The following AGBL1 variants were observed in gnomAD, a reference collection of about 807,000 sequenced individuals.
The protein encoded by AGBL1 is cytosolic carboxypeptidase 4.
AGBL1 carries 130 observed loss-of-function variants against 118.9 expected under a neutral mutation model. That is an observed-to-expected ratio of 1.09 (90% CI 0.95 to 1.26). The LOEUF (loss-of-function observed/expected upper bound fraction) is 1.26, where lower values mean the gene tolerates loss of function less well. Among genes scored for constraint, AGBL1 ranks in the 50% most tolerant of loss-of-function variants. AGBL1 has a pLI of 0.00. For synonymous variants in AGBL1, 555 were observed against 478.9 expected (o/e 1.16, Z -2.08); for missense variants, 1,584 against 1,298.1 (o/e 1.22, Z -3.38).
intron 5 of AGBL1, among the ~76,000 whole-genome samples, chr15:86,194,239 C>T (rs1281322090): frequency 6.6e-6 from 1 of 152,212 alleles, no homozygotes; most frequent in Non-Finnish European, 1.5e-5. Context: ...AAACCTCTCT[C>T]CTCGTATATC....
rs544763542 is a variant in AGBL1 at position 86,934,851 on chromosome 15, T to C, written c.3222-53136T>C. On this transcript the variant is annotated intron_variant, in intron 23 of 24. Coordinates refer to the AGBL1 transcript ENST00000441037. ...GGGCTGCCAAAATAACCTCTACATATATTGATAAATATTTTTTAAACACTG... is the reference window on the plus strand; with the variant it reads ...GGGCTGCCAAAATAACCTCTACATACATTGATAAATATTTTTTAAACACTG... Among the ~76,000 whole-genome samples the C allele has an allele frequency of 8.9e-4, 135 of 152,296 alleles. 1 individual carries two copies. In the Middle Eastern group the frequency reaches 0.014, roughly 15 times the overall value.
chr15:86,265,042 G>A (rs891653028), intron 11 of AGBL1, among the ~76,000 whole-genome samples: 3 of 152,148 alleles, frequency 2.0e-5, no homozygotes, highest in Non-Finnish European at 2.9e-5. Context: ...GTAGTGGTAG[G>A]CATGCATTTT....
In AGBL1 at chr15:86,397,528, A is replaced by G; in HGVS notation, c.2537A>G (p.Asp846Gly). The stretch of plus-strand genomic sequence containing the variant: ...AAGATCATACCCATGCTCAACCCAG[A>G]TGGTGTCATCAACGGCAAGTATGTC... ...IFKIIPMLNP[D>G]GVINGNHRCS... Residue 846 changes from aspartate to glycine, a missense_variant, in exon 18 of 23, where the codon GAT becomes GGT. Physicochemically the swap from Asp to Gly is moderately conservative, Grantham distance 94. Transcript: ENST00000614907. The G allele has an allele frequency of 6.2e-7, 1 of 1,610,314 alleles. No individual in the cohort carries two copies. The highest frequency in any genetic ancestry group is 8.5e-7 in the Non-Finnish European group (1 of 1,178,266).
intron 23 of AGBL1, among the ~76,000 whole-genome samples, chr15:86,948,770 A>G (rs1366329775): frequency 6.6e-6 from 1 of 152,258 alleles, no homozygotes; most frequent in Admixed American, 6.5e-5. Context: ...AACATGTAGC[A>G]TGAGGAAGAG....
chr15:86,208,360 T>C (rs774342040), intron 5 of AGBL1, among the ~76,000 whole-genome samples: 4 of 152,236 alleles, frequency 2.6e-5, no homozygotes, highest in African/African-American at 9.6e-5. Flanking sequence ...GGATTGCCCC[T>C]TTTTCTATTG....
intron 22 of AGBL1, among the ~76,000 whole-genome samples, chr15:86,864,884 A>G (rs1283279629): frequency 6.6e-6 from 1 of 152,210 alleles, no homozygotes; most frequent in Non-Finnish European, 1.5e-5. Flanking sequence ...TGGTTGGAAT[A>G]TGATGTAGCA....
At chr15:86,448,143 TCAAAAA>T (rs2082148109) in intron 18 of AGBL1, among the ~76,000 whole-genome samples, 1 of 152,010 alleles carries the variant, frequency 6.6e-6, no homozygotes, top group South Asian at 2.1e-4. Context: ...AGACCCTGTC[TCAAAAA>T]CAAAAAATAA....
rs77284671 is a variant in AGBL1, at chr15:86,844,932, C to A, written c.3159-62155C>A. Among the ~76,000 whole-genome samples, 969 of 152,084 alleles carry A rather than the reference C, an allele frequency of 6.4e-3. 15 individuals carry two copies. The highest frequency in any genetic ancestry group is 6.4e-3 in the Non-Finnish European group (434 of 67,914). ...TATTTTACATGTGGATATCTAATGG[C>A]TTTAGTATCATTTATTGGTTAGCTT... On this transcript the variant is annotated intron_variant, in intron 22 of 22. Transcript: ENST00000614907.
chr15:86,130,876 G>A (rs567923599), intron 1 of AGBL1, among the ~76,000 whole-genome samples: 4 of 152,224 alleles, frequency 2.6e-5, no homozygotes, highest in Non-Finnish European at 5.9e-5. Flanking sequence ...GTTCTTTCCT[G>A]GTGTCTCTTG....
chr15:86,251,523 C>T (rs2078815482), intron 7 of AGBL1, among the ~76,000 whole-genome samples: 1 of 152,178 alleles, frequency 6.6e-6, no homozygotes. Context: ...GACAAACCTA[C>T]TGAGAATGAG....
chr15:86,755,320 C>T (rs2077919712), intron 22 of AGBL1, among the ~76,000 whole-genome samples: 1 of 152,076 alleles, frequency 6.6e-6, no homozygotes, highest in Admixed American at 6.6e-5. Flanking sequence ...CTATTCTATA[C>T]TTCATTTGAA....
chr15:86,175,647 T>G (rs2141770003), intron 5 of AGBL1, among the ~76,000 whole-genome samples: 1 of 152,300 alleles, frequency 6.6e-6, no homozygotes, highest in South Asian at 2.1e-4. Flanking sequence ...TGCTATAAAC[T>G]TCTCTTAGCA....
intron 22 of AGBL1, among the ~76,000 whole-genome samples, chr15:86,720,110 A>G (rs1003489270): frequency 4.6e-5 from 7 of 152,200 alleles, no homozygotes; most frequent in Non-Finnish European, 8.8e-5. Context: ...TCAAATTAAT[A>G]TCTCTAAGCT....
In AGBL1 at chr15:86,735,602, CTGTGTG is replaced by C. The variant is rs35147328; in HGVS notation, c.3158+61194_3158+61199del. Among the ~76,000 whole-genome samples, 894 of 141,838 alleles carry C rather than the reference CTGTGTG, an allele frequency of 6.3e-3. 17 individuals are homozygous for C. Among genetic ancestry groups the C allele is most frequent in the African/African-American group, 0.022 (814 of 37,234 alleles). 93.1% of individuals were successfully genotyped at this position (141,838 alleles called of 152,430 possible). A position where few individuals can be genotyped will look rare whatever the true frequency, so the allele number is the denominator to read the frequency against. On this transcript the variant is annotated intron_variant, in intron 22 of 22. Coordinates refer to ENST00000614907, the MANE Select transcript of AGBL1 (RefSeq NM_001386094.1). ...GTCTCTTTTGATATAGAGATACAGA[CTGTGTG>C]TGTGTGTGTGTGTGTGTGTGTGTGT...
chr15:86,695,395 T>C (rs538316524), intron 22 of AGBL1, among the ~76,000 whole-genome samples: 1 of 152,220 alleles, frequency 6.6e-6, no homozygotes, highest in South Asian at 2.1e-4. Context: ...GTGTTCGTAG[T>C]AGCCCTGAAT....
At chr15:86,258,676 A>C (rs2078935869) in intron 9 of AGBL1, among the ~76,000 whole-genome samples, 1 of 152,172 alleles carries the variant, frequency 6.6e-6, no homozygotes, top group Admixed American at 6.5e-5. Flanking sequence ...AGCTATAGAC[A>C]ATTTGTAAAC....
intron 5 of AGBL1, among the ~76,000 whole-genome samples, chr15:86,184,430 TTTC>T (rs1322705271): frequency 2.1e-5 from 3 of 144,032 alleles, no homozygotes; most frequent in African/African-American, 8.2e-5. Context: ...TTCTTTTTTC[TTTC>T]TTTTTTTTTT....
At chr15:86,422,513 C>A (rs1363384377) in intron 18 of AGBL1, among the ~76,000 whole-genome samples, 1 of 152,116 alleles carries the variant, frequency 6.6e-6, no homozygotes, top group Non-Finnish European at 1.5e-5. Flanking sequence ...CTAAAATCGA[C>A]AAGCTAACAT....
Position 86,554,706 on chromosome 15 carries a change from C to T in AGBL1, c.2994+169C>T, listed in dbSNP as rs557182865. On this transcript the variant is annotated intron_variant, in intron 21 of 22. Transcript: ENST00000614907. ...CAACAATTGCTTTCACCTGCAGGAT[C>T]ATCTATCTTGATCCTGGAAGCAATG... is the stretch of plus-strand genomic sequence containing the variant. 5.3e-5 allele frequency among the ~76,000 whole-genome samples: 8 copies of T among 152,288 alleles called. No homozygotes were observed. The South Asian group carries it at 1.7e-3, about 32-fold the overall frequency.
Sources: gnomAD v4.1 joint callset for allele counts (sites outside exome capture counted in the v4.1 genomes callset) on GRCh38, gnomAD v4.1.1 for gene constraint, MANE v1.5 for transcripts, NCBI Gene and HGNC (gene_info 2026-07-23, HGNC 2026-07-21) for gene names.